The following CCAR1 variants were observed in gnomAD, a reference collection of about 807,000 sequenced individuals.
The protein encoded by CCAR1 is cell division cycle and apoptosis regulator 1.
In CCAR1, 78 loss-of-function variants were observed where a neutral mutation model predicts 163.8. That is an observed-to-expected ratio of 0.48 (90% CI 0.40 to 0.57). CCAR1 has a LOEUF of 0.57. Ranked by LOEUF, CCAR1 falls within the 20% of genes least tolerant of loss-of-function variation. The pLI, the probability that CCAR1 is intolerant of heterozygous loss-of-function variation, is 0.00. For synonymous variants in CCAR1, 443 were observed against 460.7 expected, an observed-to-expected ratio of 0.96 and a Z score of 0.49; for missense variants, 1,019 against 1,365.2, an observed-to-expected ratio of 0.75 and a Z score of 4.00.
intron 19 of CCAR1, among the ~76,000 whole-genome samples, chr10:68,779,954 G>A (rs1183476239): frequency 1.3e-5 from 2 of 152,148 alleles, no homozygotes; most frequent in Non-Finnish European, 2.9e-5. Context: ...TGATAAGTGT[G>A]TATATATGGG....
At chr10:68,744,188 T>G (rs2056222541) in intron 6 of CCAR1, among the ~76,000 whole-genome samples, 1 of 152,180 alleles carries the variant, frequency 6.6e-6, no homozygotes, top group Non-Finnish European at 1.5e-5. Flanking sequence ...CCTAGCCAGT[T>G]TAGCTATAAT....
intron 6 of CCAR1, among the ~76,000 whole-genome samples, 159 bp from the exon 7 acceptor site, chr10:68,747,002 T>C (rs1241715468): frequency 2.0e-5 from 3 of 152,150 alleles, no homozygotes; most frequent in Non-Finnish European, 4.4e-5. Context: ...CATCTACTTT[T>C]TAAAGAGCTT....
At position 68,760,382 on chromosome 10, in the gene CCAR1, G is replaced by GT. The variant is rs538919923; in HGVS notation, c.1921-619dup. Among the ~76,000 whole-genome samples, 427 of 152,116 alleles carry GT rather than the reference G, an allele frequency of 2.8e-3. 3 individuals are homozygous for GT. Among genetic ancestry groups the GT allele is most frequent in the African/African-American group, 9.5e-3 (395 of 41,494 alleles). On this transcript the variant is annotated intron_variant, in intron 15 of 24. Transcript: ENST00000265872. ...ATAAGTAAATCTATAGTTTTGTGGG[G>GT]TTTTTTCCCCCTTCTATTTAGGATG...
chr10:68,749,002 A>G (rs2056296385), intron 8 of CCAR1, 134 bp from the exon 9 acceptor site: 1 of 998,474 alleles, frequency 1.0e-6, no homozygotes, highest in South Asian at 1.6e-5. Flanking sequence ...AAAAATATAT[A>G]TAAATTAGGC....
Position 68,787,786 on chromosome 10 carries a change from G to C in CCAR1, c.2881-141G>C, listed in dbSNP as rs545430622. 46 of 692,682 alleles carry C rather than the reference G, an allele frequency of 6.6e-5. No individual in the cohort carries two copies. The African/African-American group carries it at 7.2e-4, about 11-fold the overall frequency. The allele number at this position is 692,682 out of a possible 1,614,324, so 42.9% of individuals were successfully genotyped here. Reference sequence around the variant, plus strand: ...GGAAGTGGAGGTTGTAGTGAGTCGAGATCACACCACTGCACTCCAGTTTGG... The same window carrying C: ...GGAAGTGGAGGTTGTAGTGAGTCGACATCACACCACTGCACTCCAGTTTGG... On this transcript the variant is annotated intron_variant, in intron 21 of 24. Coordinates refer to ENST00000265872, the MANE Select transcript of CCAR1 (RefSeq NM_018237.4).
At position 68,734,115 on chromosome 10, in the gene CCAR1, G is replaced by A. The variant is rs114397208; in HGVS notation, c.74-2761G>A. Among the ~76,000 whole-genome samples the A allele has an allele frequency of 6.1e-3, 921 of 151,878 alleles. 7 individuals carry two copies. The highest frequency in any genetic ancestry group is 0.021 in the African/African-American group (878 of 41,432). ...AAATTAGACTTTTTAAATAGTTGAT[G>A]GTAAACCTCAAACTTTGAATGAATT... On this transcript the variant is annotated intron_variant, in intron 2 of 24. Transcript: ENST00000265872.
chr10:68,750,461 G>A (rs1296202745), intron 10 of CCAR1, among the ~76,000 whole-genome samples: 1 of 152,094 alleles, frequency 6.6e-6, no homozygotes. Flanking sequence ...CTAACCTCAA[G>A]TGATCCACCT....
intron 17 of CCAR1, among the ~76,000 whole-genome samples, chr10:68,768,719 C>T (rs538865975): frequency 1.3e-5 from 2 of 152,150 alleles, no homozygotes; most frequent in South Asian, 2.1e-4. Flanking sequence ...ACAGTCCCTA[C>T]GGCACTTTGA....
intron 2 of CCAR1, among the ~76,000 whole-genome samples, chr10:68,733,962 G>GT (rs1222977078): frequency 1.3e-5 from 2 of 152,066 alleles, no homozygotes; most frequent in East Asian, 3.8e-4. Flanking sequence ...CCATGCTGAG[G>GT]TTTTTTAAAA....
chr10:68,722,379 T>C, intron 1 of CCAR1, 76 bp from the exon 2 acceptor site: 2 of 796,340 alleles, frequency 2.5e-6, no homozygotes, highest in Non-Finnish European at 4.5e-6. Flanking sequence ...CATTAAACAT[T>C]TCTTTCTATT....
chr10:68,732,058 C>G (rs975992220), intron 2 of CCAR1, among the ~76,000 whole-genome samples: 2 of 152,146 alleles, frequency 1.3e-5, no homozygotes, highest in Non-Finnish European at 2.9e-5. Flanking sequence ...GATTTTGGCT[C>G]TCAGCACTTC....
rs191083684 is a variant in CCAR1 at position 68,745,556 on chromosome 10, C to T, written c.519-1605C>T. Among the ~76,000 whole-genome samples the T allele has an allele frequency of 2.9e-3, 435 of 151,366 alleles. 7 individuals are homozygous for T. Among genetic ancestry groups the T allele is most frequent in the African/African-American group, 9.9e-3 (406 of 41,214 alleles). On this transcript the variant is annotated intron_variant, in intron 6 of 24. Transcript: ENST00000265872. The stretch of plus-strand genomic sequence containing the variant: ...TCGGCTCACTGCAGCCTCTGCCTCC[C>T]GGGTTCAAACAATTCTCCTGCCTCA...
chr10:68,747,641 A>G (rs2056274809), intron 8 of CCAR1, 75 bp downstream of exon 8: 6 of 1,349,406 alleles, frequency 4.4e-6, no homozygotes, highest in Non-Finnish European at 6.2e-6. Flanking sequence ...TTAATTACAA[A>G]AAAAGGCAGG....
chr10:68,757,173 T>G (rs1162303045), intron 14 of CCAR1, 121 bp from the exon 15 acceptor site: 2 of 600,834 alleles, frequency 3.3e-6, no homozygotes, highest in Non-Finnish European at 5.8e-6. Flanking sequence ...ATAATAACTT[T>G]AGGAGAAGAC....
chr10:68,727,321 C>T (rs1291014764), intron 2 of CCAR1, among the ~76,000 whole-genome samples: 1 of 151,950 alleles, frequency 6.6e-6, no homozygotes, highest in Non-Finnish European at 1.5e-5. Flanking sequence ...AGACAATCCG[C>T]CCATCGTGGC....
At chr10:68,729,274 G>GT (rs935707281) in intron 2 of CCAR1, among the ~76,000 whole-genome samples, 1,516 of 141,672 alleles carry the variant, frequency 0.011, 19 homozygotes, top group African/African-American at 0.027. Flanking sequence ...GGTTTTTTTG[G>GT]TTTTTTTTTT....
chr10:68,732,207 A>G (rs2056048857), intron 2 of CCAR1, among the ~76,000 whole-genome samples: 1 of 152,176 alleles, frequency 6.6e-6, no homozygotes, highest in African/African-American at 2.4e-5. Context: ...TTAAAATGTC[A>G]AATGCAGAAC....
At chr10:68,745,171 A>G (rs2056236380) in intron 6 of CCAR1, among the ~76,000 whole-genome samples, 1 of 151,594 alleles carries the variant, frequency 6.6e-6, no homozygotes, top group South Asian at 2.1e-4. Context: ...ACACCCGGCT[A>G]ATTTTTTTGT....
In CCAR1 at chr10:68,788,258, A is replaced by G. The variant is rs2056817375; in HGVS notation, c.3117A>G (p.Gln1039=). 2 of 1,599,436 alleles carry G rather than the reference A, an allele frequency of 1.3e-6. No homozygotes were observed. Among genetic ancestry groups the G allele is most frequent in the East Asian group, 4.5e-5 (2 of 44,604 alleles). Residue 1039 remains glutamine (Q), a synonymous_variant, in exon 23 of 25, where the codon CAA becomes CAG. Coordinates refer to ENST00000265872, the MANE Select transcript of CCAR1 (RefSeq NM_018237.4). ...TGGTAGATGTAGGAAGCCTCTTGCA[A>G]AAATTGGAAAAGAGCGAAAAAGTAA... ...GAMVDVGSLL[Q]KLEKSEKVRA... is the part of the protein sequence containing the mutation.
Sources: gnomAD v4.1 joint callset for allele counts (sites outside exome capture counted in the v4.1 genomes callset) on GRCh38, gnomAD v4.1.1 for gene constraint, MANE v1.5 for transcripts, NCBI Gene and HGNC (gene_info 2026-07-23, HGNC 2026-07-21) for gene names.